The following COTL1 variants were observed in gnomAD, a reference collection of about 807,000 sequenced individuals.
COTL1 encodes the protein coactosin-like protein.
COTL1 carries 15 observed loss-of-function variants against 16.5 expected under a neutral mutation model. That is an observed-to-expected ratio of 0.91 (90% confidence interval 0.61 to 1.40). The LOEUF is 1.40. Among genes scored for constraint, COTL1 ranks in the 40% most tolerant of loss-of-function variants. The pLI, the probability that COTL1 is intolerant of heterozygous loss-of-function variation, is 0.00. For synonymous variants in COTL1, 112 were observed against 85.3 expected, an observed-to-expected ratio of 1.31 and a Z score of -1.73; for missense variants, 220 against 201.5, an observed-to-expected ratio of 1.09 and a Z score of -0.56.
intron 2 of COTL1, among the ~76,000 whole-genome samples, chr16:84,592,283 T>C (rs1220058928): frequency 6.6e-6 from 1 of 152,208 alleles, no homozygotes; most frequent in Non-Finnish European, 1.5e-5. Context: ...TTAACTGCCA[T>C]TATCACCAAG....
At chr16:84,574,166 A>C (rs1904398666) in intron 3 of COTL1, among the ~76,000 whole-genome samples, 1 of 152,106 alleles carries the variant, frequency 6.6e-6, no homozygotes, top group Admixed American at 6.5e-5. Flanking sequence ...TCACCTCTTC[A>C]TTATGTAGAG....
intron 2 of COTL1, among the ~76,000 whole-genome samples, chr16:84,603,660 G>T (rs898904160): frequency 1.3e-5 from 2 of 152,134 alleles, no homozygotes; most frequent in Non-Finnish European, 2.9e-5. Context: ...TGAAGCGAAT[G>T]GAGGCAGTGG....
chr16:84,566,818 C>T lies in COTL1; in HGVS notation c.*27G>A. 6.6e-7 allele frequency: 1 copy of T among 1,523,102 alleles called. No individual in the cohort carries two copies. Among genetic ancestry groups the T allele is most frequent in the Non-Finnish European group, 9.1e-7 (1 of 1,098,316 alleles). 94.3% of individuals were successfully genotyped at this position (1,523,102 alleles called of 1,614,324 possible). ...CCGGGGAGCAGGCAGATGACTTTGGCAAGGGGTGGTGTGGCGGGGGCTGGG... is the reference window on the plus strand; with the variant it reads ...CCGGGGAGCAGGCAGATGACTTTGGTAAGGGGTGGTGTGGCGGGGGCTGGG... On this transcript the variant is annotated 3_prime_UTR_variant, in exon 4 of 4. Coordinates refer to ENST00000262428, the MANE Select transcript of COTL1 (RefSeq NM_021149.5).
At chr16:84,600,921 G>A (rs1388072627) in intron 2 of COTL1, among the ~76,000 whole-genome samples, 1 of 152,124 alleles carries the variant, frequency 6.6e-6, no homozygotes, top group African/African-American at 2.4e-5. Flanking sequence ...TTCCCCCTAT[G>A]ACAAAGCACT....
At chr16:84,600,399 G>A (rs974745890) in intron 2 of COTL1, among the ~76,000 whole-genome samples, 2 of 144,270 alleles carry the variant, frequency 1.4e-5, no homozygotes, top group African/African-American at 5.2e-5. Flanking sequence ...TGCAACCTCC[G>A]CCTCCTGGGT....
chr16:84,570,297 T>C (rs1228023837), intron 3 of COTL1, among the ~76,000 whole-genome samples: 2 of 151,958 alleles, frequency 1.3e-5, no homozygotes, highest in African/African-American at 4.8e-5. Flanking sequence ...ATAAGTTTGA[T>C]AAGGTCTAAG....
chr16:84,588,127 A>C (rs912649777), intron 3 of COTL1, among the ~76,000 whole-genome samples: 4 of 152,064 alleles, frequency 2.6e-5, no homozygotes, highest in Admixed American at 2.0e-4. Context: ...GTGGCCTATA[A>C]TCCAAGCACT....
intron 2 of COTL1, among the ~76,000 whole-genome samples, chr16:84,612,835 G>C (rs1905364152): frequency 6.6e-6 from 1 of 152,136 alleles, no homozygotes; most frequent in African/African-American, 2.4e-5. Flanking sequence ...CATTACTTCA[G>C]TGAACCCTCC....
At chr16:84,596,266 G>C (rs1382933359) in intron 2 of COTL1, 1 of 152,204 alleles carries the variant, frequency 6.6e-6, no homozygotes, top group Non-Finnish European at 1.5e-5. Flanking sequence ...AACCTTCTCT[G>C]CAATGTCCAG....
chr16:84,591,842 TAAAATAAAATAAAATAAAATAA>T (rs773256016), intron 2 of COTL1, among the ~76,000 whole-genome samples: 8 of 146,884 alleles, frequency 5.4e-5, no homozygotes, highest in Non-Finnish European at 8.9e-5. Context: ...TAAAATAAAA[TAAAATAAAATAAAATAAAATAA>T]AATAAAATAA....
In COTL1 at chr16:84,604,314, C is replaced by T. The variant is rs573871506; in HGVS notation, c.160+13187G>A. ...GCTCTCCACCCTCACTCCCCACCCA[C>T]GCTCCCCTCCCACGGCCCCCACCCC... On this transcript the variant is annotated intron_variant, in intron 2 of 3. Coordinates refer to ENST00000262428, the MANE Select transcript of COTL1 (RefSeq NM_021149.5). 2.0e-3 allele frequency among the ~76,000 whole-genome samples: 221 copies of T among 112,698 alleles called. 3 individuals are homozygous for T. The highest frequency in any genetic ancestry group is 7.7e-3 in the African/African-American group (213 of 27,816). The allele number at this position is 112,698 out of a possible 152,430, so 73.9% of individuals were successfully genotyped here. A position where few individuals can be genotyped will look rare whatever the true frequency, so the allele number is the denominator to read the frequency against.
At chr16:84,609,511 C>T (rs1905277186) in intron 2 of COTL1, among the ~76,000 whole-genome samples, 1 of 152,258 alleles carries the variant, frequency 6.6e-6, no homozygotes, top group South Asian at 2.1e-4. Context: ...GTTAGTCGGA[C>T]TCTCCTGACA....
At chr16:84,602,790 G>A (rs756031823) in intron 2 of COTL1, among the ~76,000 whole-genome samples, 1 of 151,956 alleles carries the variant, frequency 6.6e-6, no homozygotes, top group African/African-American at 2.4e-5. Context: ...AGGAGGCAGA[G>A]GTTGCAGTAA....
chr16:84,604,404 C>T (rs115819923), intron 2 of COTL1, among the ~76,000 whole-genome samples: 1,793 of 147,392 alleles, frequency 0.012, 36 homozygotes, highest in African/African-American at 0.042. Context: ...TTTCTTTATG[C>T]TTTTTCATCC....
At chr16:84,593,404 C>T (rs528054186) in intron 2 of COTL1, among the ~76,000 whole-genome samples, 9 of 152,314 alleles carry the variant, frequency 5.9e-5, no homozygotes, top group African/African-American at 2.2e-4. Context: ...TCCCATGCCC[C>T]GGGGACTGTG....
chr16:84,584,241 T>C (rs1311929060), intron 3 of COTL1, among the ~76,000 whole-genome samples: 2 of 152,252 alleles, frequency 1.3e-5, no homozygotes, highest in African/African-American at 2.4e-5. Flanking sequence ...GCAATCGCCC[T>C]GCCCAGCTTG....
At chr16:84,614,334 G>A (rs1035978031) in intron 2 of COTL1, among the ~76,000 whole-genome samples, 1 of 152,196 alleles carries the variant, frequency 6.6e-6, no homozygotes, top group African/African-American at 2.4e-5. Flanking sequence ...CAGAAAGATT[G>A]GGAGGATGAG....
intron 3 of COTL1, 113 bp from the exon 4 acceptor site, chr16:84,567,068 G>A (rs1382477999): frequency 1.4e-6 from 1 of 717,698 alleles, no homozygotes; most frequent in African/African-American, 1.7e-5. Flanking sequence ...GATGAGAGAT[G>A]GAAATGGAAA....
intron 2 of COTL1, chr16:84,596,249 T>C (rs1288487310): frequency 1.3e-5 from 2 of 152,234 alleles, no homozygotes; most frequent in African/African-American, 2.4e-5. Context: ...GAGTGGTCTA[T>C]ACCCTTAACC....
Sources: gnomAD v4.1 joint callset for allele counts (sites outside exome capture counted in the v4.1 genomes callset) on GRCh38, gnomAD v4.1.1 for gene constraint, MANE v1.5 for transcripts, NCBI Gene and HGNC (gene_info 2026-07-23, HGNC 2026-07-21) for gene names.